Variants in EPS8L2 observed in about 807,000 individuals in gnomAD.
EPS8L2 encodes the protein epidermal growth factor receptor kinase substrate 8-like protein 2.
Under a neutral mutation model 99.4 loss-of-function variants are expected in EPS8L2, and 81 were observed. That is an observed-to-expected ratio of 0.82 (90% CI 0.68 to 0.98). The LOEUF (loss-of-function observed/expected upper bound fraction) is 0.98. EPS8L2 is among the 50% of genes least tolerant of loss of function. EPS8L2 has a pLI of 0.00. For missense variants in EPS8L2, 1,155 were observed against 968.8 expected (o/e 1.19, Z -2.55); for synonymous variants, 509 against 407.3 (o/e 1.25, Z -3.01).
intron 4 of EPS8L2, among the ~76,000 whole-genome samples, chr11:714,720 T>C (rs367796437): frequency 7.9e-5 from 12 of 152,064 alleles, no homozygotes; most frequent in African/African-American, 2.4e-4. Context: ...ACTGATTGAC[T>C]GTTTTGAATG....
Position 722,178 on chromosome 11 carries a change from G to A in EPS8L2, c.1059+13G>A, listed in dbSNP as rs370749033. ...GCCTCTGGACCTGGTGCCTGGGGCC[G>A]GGCGGCAGGGGCGCGCAGGGTGGGG... On this transcript the variant is annotated intron_variant, in intron 12 of 20. Coordinates refer to ENST00000318562, the MANE Select transcript of EPS8L2 (RefSeq NM_022772.4). 103 of 1,609,848 alleles carry A rather than the reference G, an allele frequency of 6.4e-5. 2 individuals carry two copies. Among genetic ancestry groups the A allele is most frequent in the South Asian group, 4.8e-4 (44 of 90,804 alleles).
rs534639130 is a variant in EPS8L2 at position 711,574 on chromosome 11, C to T, written c.165+1088C>T. Reference sequence around the variant, plus strand: ...TGTTGCCCAGGCTGGTCTCAAACTCCTAGGCTCAAGCAATCCTCCCCCCTC... The same window carrying T: ...TGTTGCCCAGGCTGGTCTCAAACTCTTAGGCTCAAGCAATCCTCCCCCCTC... On this transcript the variant is annotated intron_variant, in intron 4 of 20. Transcript: ENST00000318562. Among the ~76,000 whole-genome samples the T allele has an allele frequency of 2.0e-5, 3 of 152,142 alleles. No individual in the cohort carries two copies. The East Asian group carries it at 5.8e-4, about 29-fold the overall frequency.
Position 721,988 on chromosome 11 carries a change from G to A in EPS8L2, c.981G>A (p.Leu327=). Residue 327 remains leucine, a synonymous_variant, in exon 11 of 21, where the codon TTG becomes TTA. Transcript: ENST00000318562. ...AGAAAATCAAGCTGGCGATTAACTT[G>A]CTGGTGGGTCCGGTGGCCCCAGCCC... ...CFQKIKLAIN[L]LAKLQKHIQN... is the part of the protein sequence containing the mutation. The A allele has an allele frequency of 1.2e-6, 2 of 1,606,148 alleles. No homozygotes were observed. The highest frequency in any genetic ancestry group is 1.7e-6 in the Non-Finnish European group (2 of 1,176,416).
chr11:712,454 AAGCCTGGGTGCGAGCTGGGCTCCCG>A lies in EPS8L2; in HGVS notation c.165+1969_165+1993del, dbSNP rs1861917455. On this transcript the variant is annotated intron_variant, in intron 4 of 20. Transcript: ENST00000318562. Reference sequence around the variant, plus strand: ...CGAGCTGGGCTCCCGGTTGTCGTCCAAGCCTGGGTGCGAGCTGGGCTCCCGGTTGTCGTCCAAGCCTGGGTGCGAG... The same window carrying A: ...CGAGCTGGGCTCCCGGTTGTCGTCCAGTTGTCGTCCAAGCCTGGGTGCGAG... 1.2e-4 allele frequency among the ~76,000 whole-genome samples: 17 copies of A among 145,782 alleles called. No individual in the cohort carries two copies. The South Asian group carries it at 3.8e-3, about 33-fold the overall frequency.
Position 722,730 on chromosome 11 carries a change from C to G in EPS8L2, c.1266C>G (p.Gly422=), listed in dbSNP as rs370566231. ...VPLYVPKFHS[G]WEPPVDVLQE... is the part of the protein sequence containing the mutation. ...TCTACGTGCCCAAGTTCCACAGCGG[C>G]TGGGAGCCTCCTGTGGATGTGCTGC... Residue 422 remains glycine, a synonymous_variant, in exon 14 of 21, where the codon GGC becomes GGG. Coordinates refer to ENST00000318562, the MANE Select transcript of EPS8L2 (RefSeq NM_022772.4). The G allele has an allele frequency of 1.9e-5, 31 of 1,607,398 alleles. No individual in the cohort carries two copies. The South Asian group carries it at 3.2e-4, about 17-fold the overall frequency.
intron 4 of EPS8L2, among the ~76,000 whole-genome samples, chr11:718,449 AT>A (rs532766660): frequency 8.0e-5 from 12 of 149,682 alleles, no homozygotes; most frequent in Non-Finnish European, 1.5e-4. Context: ...GTTGCATACA[AT>A]TTTTTCTTTG....
intron 2 of EPS8L2, 51 bp downstream of exon 2, chr11:709,502 C>T (rs767556374): frequency 7.1e-7 from 1 of 1,417,842 alleles, no homozygotes; most frequent in Admixed American, 1.9e-5. Context: ...TCTGAACAGT[C>T]CCCAGGGAGG....
rs1286175826 is a variant in EPS8L2, at chr11:726,465, G to A, written c.1915G>A (p.Ala639Thr). 1.3e-6 allele frequency: 2 copies of A among 1,572,756 alleles called. No individual in the cohort carries two copies. The highest frequency in any genetic ancestry group is 1.7e-6 in the Non-Finnish European group (2 of 1,160,834). ...GGACGAGGTCCGCGCCTGGCTGGAA[G>A]CCAAGGCCTTCAGCCCGCGGTGAGC... ...GPDEVRAWLEAKAFSPRIVEN... is the reference protein window; with the variant it reads ...GPDEVRAWLETKAFSPRIVEN... Residue 639 changes from alanine (A) to threonine (T), a missense_variant, in exon 19 of 21, where the codon GCC becomes ACC. Ala to Thr is a moderately conservative substitution (Grantham distance 58, BLOSUM62 0). Transcript: ENST00000318562.
At chr11:722,589 C>G (rs886657428) in intron 13 of EPS8L2, 40 bp downstream of exon 13, 2 of 1,610,882 alleles carry the variant, frequency 1.2e-6, no homozygotes, top group African/African-American at 2.7e-5. Flanking sequence ...TCATGGGGGG[C>G]CAGCGCTGCA....
intron 11 of EPS8L2, 30 bp from the exon 12 acceptor site, chr11:722,061 C>A (rs771815268): frequency 6.2e-7 from 1 of 1,611,436 alleles, no homozygotes; most frequent in Non-Finnish European, 8.5e-7. Flanking sequence ...CGCCCCGCCC[C>A]GGCACCTGCT....
intron 1 of EPS8L2, among the ~76,000 whole-genome samples, chr11:707,748 A>G (rs1861765591): frequency 6.6e-6 from 1 of 152,012 alleles, no homozygotes; most frequent in Non-Finnish European, 1.5e-5. Context: ...ACCGAAGGCC[A>G]GGAACCTGGC....
In EPS8L2 at chr11:726,916, T is replaced by C; in HGVS notation, c.2083T>C (p.Ser695Pro). ...TCCTCCCTAGAAGCAGCAAAGTGGG[T>C]CGGAGCTGGAAGAACTCATGAACAA... ...KAFLEKQQSG[S>P]ELEELMNKFH... The change falls in exon 21 of 21, where the codon TCG (serine) becomes CCG (proline). Residue 695 changes from serine to proline, a missense_variant. Transcript: ENST00000318562. 1.9e-6 allele frequency: 3 copies of C among 1,613,126 alleles called. No homozygotes were observed. Among genetic ancestry groups the C allele is most frequent in the Non-Finnish European group, 2.5e-6 (3 of 1,179,844 alleles).
intron 4 of EPS8L2, among the ~76,000 whole-genome samples, chr11:713,384 G>A (rs537499256): frequency 5.3e-4 from 80 of 152,280 alleles, no homozygotes; most frequent in African/African-American, 1.8e-3. Flanking sequence ...CACAGTTTCT[G>A]TTTGTTTGTG....
At chr11:712,009 G>A (rs1861904413) in intron 4 of EPS8L2, among the ~76,000 whole-genome samples, 1 of 150,996 alleles carries the variant, frequency 6.6e-6, no homozygotes, top group Non-Finnish European at 1.5e-5. Flanking sequence ...AAAGGGACCA[G>A]GCGCGGTTGT....
chr11:716,234 C>T (rs1331569709), intron 4 of EPS8L2, among the ~76,000 whole-genome samples: 11 of 151,564 alleles, frequency 7.3e-5, no homozygotes, highest in Admixed American at 1.3e-4. Flanking sequence ...CAGCAAGCTC[C>T]GCCTCCCAGG....
chr11:720,358 A>G (rs1862122996), intron 5 of EPS8L2, 135 bp downstream of exon 5: 1 of 1,152,826 alleles, frequency 8.7e-7, no homozygotes, highest in Non-Finnish European at 1.2e-6. Flanking sequence ...CTGGAAGAGG[A>G]TGGGACAAGG....
At chr11:712,922 T>C (rs1861928206) in intron 4 of EPS8L2, among the ~76,000 whole-genome samples, 1 of 152,218 alleles carries the variant, frequency 6.6e-6, no homozygotes, top group South Asian at 2.1e-4. Flanking sequence ...CCACCACCTT[T>C]CTCAGGGACT....
intron 7 of EPS8L2, 59 bp from the exon 8 acceptor site, chr11:721,005 A>AGGGGCGGGGAGGAGCCCGGCAGGGGAG: frequency 2.9e-6 from 4 of 1,397,716 alleles, no homozygotes; most frequent in Non-Finnish European, 3.8e-6. Flanking sequence ...GGAGCCCGGC[A>AGGGGCGGGGAGGAGCCCGGCAGGGGAG]GGGAGGGAGG....
In EPS8L2 at chr11:707,335, G is replaced by A. The variant is rs959864289; in HGVS notation, c.-79+1047G>A. ...GGGCCTGAGGGGCCTCCCCATTCCA[G>A]GGCCCCACCCAGCGCCTATGAGGGC... On this transcript the variant is annotated intron_variant, in intron 1 of 20. Transcript: ENST00000318562. Among the ~76,000 whole-genome samples the A allele has an allele frequency of 3.4e-4, 52 of 152,262 alleles. 1 individual carries two copies. The highest frequency in any genetic ancestry group is 1.3e-3 in the African/African-American group (52 of 41,562).
Sources: gnomAD v4.1 joint callset for allele counts (sites outside exome capture counted in the v4.1 genomes callset) on GRCh38, gnomAD v4.1.1 for gene constraint, MANE v1.5 for transcripts, NCBI Gene and HGNC (gene_info 2026-07-23, HGNC 2026-07-21) for gene names.